The following COLEC10 variants were observed in gnomAD, a reference collection of about 807,000 sequenced individuals.
The protein encoded by COLEC10 is collectin subfamily member 10.
A neutral mutation model predicts 28.4 loss-of-function variants in COLEC10; 22 were observed. That is an observed-to-expected ratio of 0.78 (90% CI 0.55 to 1.11). COLEC10 has a LOEUF of 1.11. COLEC10 is among the 50% of genes least tolerant of loss of function. The pLI, the probability that COLEC10 is intolerant of heterozygous loss-of-function variation, is 0.00. For synonymous variants in COLEC10, 125 were observed against 116.1 expected (o/e 1.08, Z -0.49); for missense variants, 361 against 344.1 (o/e 1.05, Z -0.39).
the COLEC10 span, among the ~76,000 whole-genome samples, chr8:118,985,224 T>C: frequency 3.3e-5 from 5 of 152,080 alleles, no homozygotes; most frequent in African/African-American, 1.2e-4. Context: ...CATGGAACTT[T>C]GCTATAGCAG....
At chr8:119,100,932 G>C (rs978267939) in intron 3 of COLEC10, among the ~76,000 whole-genome samples, 19 of 152,232 alleles carry the variant, frequency 1.2e-4, no homozygotes, top group African/African-American at 4.1e-4. Context: ...AGTTTAGAAA[G>C]GCTCAACAAA....
intron 1 of COLEC10, chr8:119,068,356 T>A (rs183515267): frequency 6.6e-6 from 1 of 152,340 alleles, no homozygotes; most frequent in Non-Finnish European, 1.5e-5. Flanking sequence ...AAGATTGCAA[T>A]CCAAGTTTTA....
At chr8:119,035,131 C>G (rs1814364109) in intron 2 of COLEC10, among the ~76,000 whole-genome samples, 3 of 152,160 alleles carry the variant, frequency 2.0e-5, no homozygotes, top group African/African-American at 7.2e-5. Flanking sequence ...CATCAATTTG[C>G]AAACAGAATG....
At chr8:119,052,282 C>G (rs1273997257) in intron 2 of COLEC10, among the ~76,000 whole-genome samples, 1 of 151,990 alleles carries the variant, frequency 6.6e-6, no homozygotes, top group African/African-American at 2.4e-5. Context: ...CAGGCAGTAG[C>G]CAAATTATGA....
At chr8:119,056,683 TG>T (rs1385296881) in intron 2 of COLEC10, among the ~76,000 whole-genome samples, 1 of 152,072 alleles carries the variant, frequency 6.6e-6, no homozygotes, top group Non-Finnish European at 1.5e-5. Context: ...CCACTGTTAC[TG>T]GGTTTCTATT....
upstream of COLEC10, among the ~76,000 whole-genome samples, chr8:119,065,725 G>GTGTACACC (rs1207265233): frequency 7.9e-5 from 12 of 151,726 alleles, no homozygotes; most frequent in Admixed American, 4.6e-4. Context: ...AGGTGCAGTG[G>GTGTACACC]TGTACACCTG....
chr8:119,012,676 T>A (rs1290248645), intron 2 of COLEC10, among the ~76,000 whole-genome samples: 1 of 150,764 alleles, frequency 6.6e-6, no homozygotes, highest in African/African-American at 2.5e-5. Context: ...AGATTGTTTA[T>A]TTCTTCTTGT....
chr8:119,024,172 G>C (rs1012115423), intron 2 of COLEC10, among the ~76,000 whole-genome samples: 1 of 152,116 alleles, frequency 6.6e-6, no homozygotes, highest in African/African-American at 2.4e-5. Flanking sequence ...TTTGGTGAAA[G>C]ACAAAGTTGA....
chr8:119,026,861 A>G (rs963917501), intron 2 of COLEC10, among the ~76,000 whole-genome samples: 8 of 152,174 alleles, frequency 5.3e-5, no homozygotes, highest in African/African-American at 1.9e-4. Flanking sequence ...GCAAACTTGC[A>G]TCTATCAATT....
chr8:118,977,501 C>G, the COLEC10 span, among the ~76,000 whole-genome samples: 1 of 142,986 alleles, frequency 7.0e-6, no homozygotes, highest in African/African-American at 2.6e-5. Flanking sequence ...ATCGCAAGAA[C>G]AAAAAACCAA....
At chr8:118,963,215 T>TTA in the COLEC10 span, among the ~76,000 whole-genome samples, 9 of 152,168 alleles carry the variant, frequency 5.9e-5, no homozygotes, top group African/African-American at 2.2e-4. Context: ...TTATAGAATA[T>TTA]CCATTAAGTT....
chr8:118,974,834 T>C, the COLEC10 span, among the ~76,000 whole-genome samples: 1 of 152,046 alleles, frequency 6.6e-6, no homozygotes, highest in Non-Finnish European at 1.5e-5. Flanking sequence ...AAGGAGGTCA[T>C]ATTAGTTTAA....
chr8:119,022,147 C>T (rs532366327), intron 2 of COLEC10, among the ~76,000 whole-genome samples: 2 of 152,128 alleles, frequency 1.3e-5, no homozygotes, highest in East Asian at 1.9e-4. Flanking sequence ...CTGTAACTGT[C>T]AGGACTGTTA....
intron 2 of COLEC10, among the ~76,000 whole-genome samples, chr8:119,020,076 A>G (rs1389405589): frequency 6.6e-6 from 1 of 152,100 alleles, no homozygotes; most frequent in African/African-American, 2.4e-5. Context: ...TTTCTCATCT[A>G]TGATCACACA....
At chr8:119,100,749 A>G (rs1815810118) in intron 3 of COLEC10, among the ~76,000 whole-genome samples, 1 of 152,180 alleles carries the variant, frequency 6.6e-6, no homozygotes, top group South Asian at 2.1e-4. Flanking sequence ...CACAACATGT[A>G]TCACGTTCCA....
At chr8:118,996,478 A>G (rs553688284) in intron 1 of COLEC10, among the ~76,000 whole-genome samples, 3 of 152,286 alleles carry the variant, frequency 2.0e-5, no homozygotes, top group Admixed American at 2.0e-4. Flanking sequence ...ATTCTCACCA[A>G]CAGTATATAA....
the COLEC10 span, among the ~76,000 whole-genome samples, chr8:118,988,375 T>A: frequency 6.6e-6 from 1 of 152,152 alleles, no homozygotes; most frequent in Admixed American, 6.6e-5. Flanking sequence ...TGAAAGTCTT[T>A]AGCAGAGAGC....
intron 3 of COLEC10, among the ~76,000 whole-genome samples, chr8:119,097,424 T>C (rs1815742421): frequency 6.6e-6 from 1 of 152,046 alleles, no homozygotes; most frequent in Non-Finnish European, 1.5e-5. Context: ...TAGCTAATTA[T>C]TATGAAAAAA....
intron 4 of COLEC10, among the ~76,000 whole-genome samples, chr8:119,103,486 G>T (rs2130308202): frequency 6.6e-6 from 1 of 152,062 alleles, no homozygotes; most frequent in Admixed American, 6.5e-5. Context: ...GACACATTCT[G>T]TGTTCAACAA....
Sources: allele counts gnomAD v4.1 joint callset (sites outside exome capture counted in the v4.1 genomes callset), GRCh38; gene constraint gnomAD v4.1.1; transcripts MANE v1.5; gene names NCBI Gene and HGNC (gene_info 2026-07-23, HGNC 2026-07-21).